The following GRIP1 variants were observed in gnomAD, a reference collection of about 807,000 sequenced individuals.
GRIP1 encodes glutamate receptor interacting protein 1.
A neutral mutation model predicts 129.9 loss-of-function variants in GRIP1; 45 were observed. The ratio of observed to expected loss-of-function variants is 0.35; its 90% CI spans 0.27 to 0.44. The LOEUF (loss-of-function observed/expected upper bound fraction) is 0.44. GRIP1 is among the 20% of genes least tolerant of loss of function. The probability of loss-of-function intolerance (pLI) is 1.00; values close to 1 mark genes in which losing one functional copy is unlikely to be tolerated. For synonymous variants in GRIP1, 530 were observed against 520.8 expected (o/e 1.02, Z -0.24); for missense variants, 1,196 against 1,396.8 (o/e 0.86, Z 2.29).
chr12:66,529,930 A>G lies in GRIP1; in HGVS notation c.419-16T>C, dbSNP rs1270483657. On this transcript the variant is annotated splice_polypyrimidine_tract_variant and intron_variant, in intron 4 of 24. Transcript: ENST00000359742. ...CCTTGCACAGCTGAATAAAGGAAAG[A>G]GAGAAGGAAATATAACTTGTAAGTC... 1 of 1,455,384 alleles carries G rather than the reference A, an allele frequency of 6.9e-7. No homozygotes were observed. Among genetic ancestry groups the G allele is most frequent in the Non-Finnish European group, 9.7e-7 (1 of 1,035,106 alleles). The allele number at this position is 1,455,384 out of a possible 1,614,324, so 90.2% of individuals were successfully genotyped here. A position where few individuals can be genotyped will look rare whatever the true frequency, so the allele number is the denominator to read the frequency against.
rs1039567214 is a variant in GRIP1 at position 66,495,073 on chromosome 12, C to T, written c.724+20546G>A. Among the ~76,000 whole-genome samples, 3 of 152,316 alleles carry T rather than the reference C, an allele frequency of 2.0e-5. No homozygotes were observed. In the South Asian group the frequency reaches 6.2e-4, roughly 32 times the overall value. Reference sequence around the variant, plus strand: ...TGCATAAATTAATGTTAGTTTTCTTCTCTACTTCTTCCTGGGTTAATCCCA... The same window carrying T: ...TGCATAAATTAATGTTAGTTTTCTTTTCTACTTCTTCCTGGGTTAATCCCA... On this transcript the variant is annotated intron_variant, in intron 7 of 24. Coordinates refer to ENST00000359742, the MANE Select transcript of GRIP1 (RefSeq NM_001366722.1).
chr12:66,988,845 G>A (rs1479447788), intron 1 of GRIP1, among the ~76,000 whole-genome samples: 1 of 152,168 alleles, frequency 6.6e-6, no homozygotes, highest in African/African-American at 2.4e-5. Context: ...AATAAAGAAT[G>A]ATTTGATGGC....
intron 7 of GRIP1, among the ~76,000 whole-genome samples, chr12:66,479,565 T>C (rs1303739756): frequency 6.6e-6 from 1 of 152,214 alleles, no homozygotes; most frequent in Non-Finnish European, 1.5e-5. Flanking sequence ...CCCTAACTCA[T>C]TTTATGAGGC....
chr12:67,045,836 G>A (rs1299884131), intron 1 of GRIP1, among the ~76,000 whole-genome samples: 3 of 152,138 alleles, frequency 2.0e-5, no homozygotes, highest in South Asian at 2.1e-4. Context: ...TGACAGGGCC[G>A]GGGCTGTCAA....
Position 66,455,456 on chromosome 12 carries a change from C to A in GRIP1, c.1307G>T (p.Gly436Val). 6.2e-7 allele frequency: 1 copy of A among 1,614,102 alleles called. No individual in the cohort carries two copies. Among genetic ancestry groups the A allele is most frequent in the Non-Finnish European group, 8.5e-7 (1 of 1,179,964 alleles). ...TTTCAGTCTCCTCCTCATCATGGTTCCACGTGGGCTGGTGGAGTAGAGGCT... is the reference window on the plus strand; with the variant it reads ...TTTCAGTCTCCTCCTCATCATGGTTACACGTGGGCTGGTGGAGTAGAGGCT... Reference protein sequence around the residue: ...PRSLYSTSPRGTMMRRRLKKK... With the variant: ...PRSLYSTSPRVTMMRRRLKKK... Residue 436 changes from glycine (G) to valine (V), a missense_variant, in exon 11 of 25, where the codon GGA (glycine) becomes GTA (valine). Gly to Val is a moderately radical substitution (Grantham distance 109). Around this residue, in one of 5 missense-constraint regions of GRIP1, gnomAD observed 508 missense variants for 587.0 expected, o/e 0.87. Transcript: ENST00000359742.
intron 1 of GRIP1, among the ~76,000 whole-genome samples, chr12:66,736,508 A>T (rs1250370510): frequency 3.3e-5 from 5 of 151,774 alleles, no homozygotes; most frequent in African/African-American, 1.2e-4. Flanking sequence ...CATAAGGAAG[A>T]GAAAATAGAT....
chr12:66,572,303 A>T (rs2062989867), intron 2 of GRIP1, among the ~76,000 whole-genome samples: 1 of 152,230 alleles, frequency 6.6e-6, no homozygotes, highest in Non-Finnish European at 1.5e-5. Flanking sequence ...CAGTCTAGGC[A>T]TACCTACCTG....
At chr12:66,393,241 C>T (rs1042935324) in intron 17 of GRIP1, among the ~76,000 whole-genome samples, 6 of 136,356 alleles carry the variant, frequency 4.4e-5, no homozygotes, top group Middle Eastern at 4.2e-3. Context: ...TCCAGTGGCA[C>T]GATCTTGGCT....
At chr12:66,599,143 A>G (rs1216285088) in intron 1 of GRIP1, among the ~76,000 whole-genome samples, 6 of 151,966 alleles carry the variant, frequency 3.9e-5, no homozygotes, top group African/African-American at 1.5e-4. Flanking sequence ...CTCCATCACC[A>G]CCCCCAACCT....
At chr12:66,941,221 C>A (rs2041580575) in intron 1 of GRIP1, among the ~76,000 whole-genome samples, 1 of 151,928 alleles carries the variant, frequency 6.6e-6, no homozygotes, top group Non-Finnish European at 1.5e-5. Flanking sequence ...CAGTGACTTG[C>A]CCAGGGTCAC....
At chr12:66,972,445 C>T (rs2042088346) in intron 1 of GRIP1, among the ~76,000 whole-genome samples, 1 of 152,186 alleles carries the variant, frequency 6.6e-6, no homozygotes, top group African/African-American at 2.4e-5. Flanking sequence ...AACAGAACTT[C>T]TTACAAAGAT....
chr12:66,733,103 C>T (rs945393927), intron 1 of GRIP1, among the ~76,000 whole-genome samples: 1 of 152,126 alleles, frequency 6.6e-6, no homozygotes, highest in African/African-American at 2.4e-5. Context: ...ATCCTCCCAC[C>T]TTAGCCTCCT....
chr12:66,534,716 TG>T (rs1221331381), intron 4 of GRIP1, among the ~76,000 whole-genome samples: 3 of 151,894 alleles, frequency 2.0e-5, no homozygotes, highest in Non-Finnish European at 2.9e-5. Context: ...CTTTTTGAGA[TG>T]GAGTCTTGCT....
intron 1 of GRIP1, among the ~76,000 whole-genome samples, chr12:66,627,002 T>C (rs2030153700): frequency 6.6e-6 from 1 of 152,180 alleles, no homozygotes; most frequent in South Asian, 2.1e-4. Flanking sequence ...CCACAGGTGC[T>C]TACAGATTAG....
chr12:66,524,845 G>C (rs931725810), intron 5 of GRIP1, among the ~76,000 whole-genome samples: 2 of 152,106 alleles, frequency 1.3e-5, no homozygotes, highest in African/African-American at 4.8e-5. Flanking sequence ...TGATAAAGGG[G>C]ATATCACCAC....
At chr12:66,998,710 G>A (rs1201669164) in intron 1 of GRIP1, among the ~76,000 whole-genome samples, 2 of 152,140 alleles carry the variant, frequency 1.3e-5, no homozygotes, top group Non-Finnish European at 1.5e-5. Flanking sequence ...CCCATATTCT[G>A]TCTTCTCTCC....
intron 1 of GRIP1, among the ~76,000 whole-genome samples, chr12:66,699,983 G>T (rs1177133099): frequency 6.6e-6 from 1 of 152,066 alleles, no homozygotes; most frequent in African/African-American, 2.4e-5. Flanking sequence ...TCCTGGGAGG[G>T]GCAAGTCAGG....
chr12:66,764,451 G>A (rs1392161872), intron 1 of GRIP1, among the ~76,000 whole-genome samples: 4 of 152,092 alleles, frequency 2.6e-5, no homozygotes, highest in Non-Finnish European at 4.4e-5. Flanking sequence ...GCATTACTGA[G>A]GAAAAGTTAT....
At chr12:66,923,842 C>G (rs576463265) in intron 1 of GRIP1, among the ~76,000 whole-genome samples, 1 of 151,944 alleles carries the variant, frequency 6.6e-6, no homozygotes, top group South Asian at 2.1e-4. Context: ...AATTTTTCAG[C>G]ATTTTTTTTT....
Sources: allele counts gnomAD v4.1 joint callset (sites outside exome capture counted in the v4.1 genomes callset), GRCh38; gene constraint gnomAD v4.1.1; regional missense constraint gnomAD v4.1.1; transcripts MANE v1.5; gene names NCBI Gene and HGNC (gene_info 2026-07-23, HGNC 2026-07-21).